Variants in DHX37 observed in about 807,000 individuals in gnomAD.
The protein encoded by DHX37 is DEAH-box helicase 37.
DHX37 carries 52 observed loss-of-function variants against 134.3 expected under a neutral mutation model. That is an observed-to-expected ratio of 0.39 (90% CI 0.31 to 0.49). The LOEUF (loss-of-function observed/expected upper bound fraction) is 0.49. Among genes scored for constraint, DHX37 ranks in the 20% least tolerant of loss-of-function variants. The pLI is 0.93. For missense variants in DHX37, 1,344 were observed against 1,580.8 expected (o/e 0.85, Z 2.54); for synonymous variants, 634 against 670.7 (o/e 0.95, Z 0.85).
rs200009651 is a variant in DHX37 at position 124,966,784 on chromosome 12, C to A, written c.1590+9G>T. The A allele has an allele frequency of 6.2e-7, 1 of 1,614,254 alleles. No homozygotes were observed. The highest frequency in any genetic ancestry group is 1.1e-5 in the South Asian group (1 of 91,088). On this transcript the variant is annotated intron_variant, in intron 12 of 26. Transcript: ENST00000308736. ...ACTCTCCAGGAGTCCCTGCCAGCCCCCCACGTACCTCAGCCCGCGCCTTCT... is the reference window on the plus strand; with the variant it reads ...ACTCTCCAGGAGTCCCTGCCAGCCCACCACGTACCTCAGCCCGCGCCTTCT...
At chr12:124,955,494 G>C (rs960524014) in intron 18 of DHX37, among the ~76,000 whole-genome samples, 2 of 152,196 alleles carry the variant, frequency 1.3e-5, no homozygotes, top group African/African-American at 4.8e-5. Flanking sequence ...ATTTTTAGTA[G>C]AGACAGGGTT....
Position 124,972,717 on chromosome 12 carries a change from A to C in DHX37, c.981-118T>G, listed in dbSNP as rs1811147859. 4 of 868,766 alleles carry C rather than the reference A, an allele frequency of 4.6e-6. No homozygotes were observed. The East Asian group carries it at 9.8e-5, about 21-fold the overall frequency. The allele number at this position is 868,766 out of a possible 1,614,324, so 53.8% of individuals were successfully genotyped here. ...CGGCTTGAGGGCAGGGCCCGCTGGC[A>C]ACCTGAAACAAGTCCCAGACATCTC... is the stretch of plus-strand genomic sequence containing the variant. On this transcript the variant is annotated intron_variant, in intron 6 of 26. Coordinates refer to ENST00000308736, the MANE Select transcript of DHX37 (RefSeq NM_032656.4).
In DHX37 at chr12:124,970,977, C is replaced by A. The variant is rs532964781; in HGVS notation, c.1191+325G>T. On this transcript the variant is annotated intron_variant, in intron 8 of 26. Coordinates refer to ENST00000308736, the MANE Select transcript of DHX37 (RefSeq NM_032656.4). ...CCACCTGCTCTGCTGATCCCAGAGG[C>A]CCAGAGGCCTCATCAACCAGCCCCA... Among the ~76,000 whole-genome samples the A allele has an allele frequency of 2.0e-5, 3 of 152,372 alleles. No individual in the cohort carries two copies. The South Asian group carries it at 6.2e-4, about 32-fold the overall frequency.
At chr12:124,987,901 G>A (rs935058000) in intron 1 of DHX37, among the ~76,000 whole-genome samples, 4 of 151,606 alleles carry the variant, frequency 2.6e-5, no homozygotes, top group Admixed American at 2.0e-4. Flanking sequence ...TGCTCAACGT[G>A]TGCTACTGGT....
intron 15 of DHX37, among the ~76,000 whole-genome samples, chr12:124,961,245 CG>C (rs1449361463): frequency 7.2e-6 from 1 of 138,558 alleles, no homozygotes; most frequent in Non-Finnish European, 1.5e-5. Flanking sequence ...CACATACACG[CG>C]TGCACGCACG....
chr12:124,982,812 T>C (rs1326195346), intron 2 of DHX37, among the ~76,000 whole-genome samples, 189 bp from the exon 3 acceptor site: 1 of 152,162 alleles, frequency 6.6e-6, no homozygotes, highest in African/African-American at 2.4e-5. Flanking sequence ...TTTTAACCCC[T>C]TTTACAGAAT....
rs771542089 is a variant in DHX37 at position 124,980,439 on chromosome 12, G to A, written c.738+51C>T. On this transcript the variant is annotated intron_variant, in intron 4 of 26. Coordinates refer to ENST00000308736, the MANE Select transcript of DHX37 (RefSeq NM_032656.4). This position sits in a 1 kb window ranked among gnomAD's most constrained non-coding sequence, Gnocchi z 5.3. ...CACTTCACCAGGACGCCCTCTGTGC[G>A]CCCCTTGCCCGCTAACCTAGATTCT... 53 of 1,580,098 alleles carry A rather than the reference G, an allele frequency of 3.4e-5. No individual in the cohort carries two copies. In the Admixed American group the frequency reaches 5.1e-4, roughly 15 times the overall value.
At chr12:124,951,514 A>G (rs1299344772) in intron 21 of DHX37, among the ~76,000 whole-genome samples, 1 of 152,200 alleles carries the variant, frequency 6.6e-6, no homozygotes, top group Non-Finnish European at 1.5e-5. Context: ...GTTGGGTAAT[A>G]AAAATGTTCT....
Position 124,949,465 on chromosome 12 carries a change from G to T in DHX37, c.3290+521C>A, listed in dbSNP as rs559394141. ...AGGTGGTGGGCGGGATGGGGCAGGG[G>T]TCTGCTTAGCTGGGAGGAAGTCCCC... On this transcript the variant is annotated intron_variant, in intron 25 of 26. Transcript: ENST00000308736. This position sits in a 1 kb window ranked among gnomAD's most constrained non-coding sequence, Gnocchi z 4.0. Among the ~76,000 whole-genome samples the T allele has an allele frequency of 2.8e-5, 3 of 105,500 alleles. No individual in the cohort carries two copies. The South Asian group carries it at 1.6e-3, about 56-fold the overall frequency. 69.2% of individuals were successfully genotyped at this position (105,500 alleles called of 152,430 possible). A position where few individuals can be genotyped will look rare whatever the true frequency, so the allele number is the denominator to read the frequency against.
intron 6 of DHX37, among the ~76,000 whole-genome samples, chr12:124,974,417 G>A (rs1044649354): frequency 2.0e-5 from 3 of 151,658 alleles, no homozygotes; most frequent in Non-Finnish European, 4.4e-5. Flanking sequence ...GTGAGAAGGG[G>A]CCCCCAGTAC....
At chr12:124,974,725 T>C (rs1006594289) in intron 6 of DHX37, among the ~76,000 whole-genome samples, 1 of 151,986 alleles carries the variant, frequency 6.6e-6, no homozygotes. Flanking sequence ...GTGCTATATC[T>C]GCCTGTTCAA....
At chr12:124,971,250 G>T in intron 8 of DHX37, 52 bp downstream of exon 8, 1 of 1,583,466 alleles carries the variant, frequency 6.3e-7, no homozygotes. Context: ...CTCTGACAGA[G>T]CTGGGGGGGG....
At chr12:124,964,752 C>G (rs1453915956) in intron 14 of DHX37, 126 bp from the exon 15 acceptor site, 2 of 1,495,188 alleles carry the variant, frequency 1.3e-6, no homozygotes, top group East Asian at 2.4e-5. Flanking sequence ...GCCATCCCAT[C>G]TGGGGCCCAG....
In DHX37 at chr12:124,956,865, T is replaced by G. The variant is rs1189249539; in HGVS notation, c.2279A>C (p.Gln760Pro). 1.9e-6 allele frequency: 3 copies of G among 1,593,974 alleles called. No homozygotes were observed. The highest frequency in any genetic ancestry group is 2.6e-6 in the Non-Finnish European group (3 of 1,166,056). ...PQKAERVKQL[Q>P]ENRLSCPITA... Reference sequence around the variant, plus strand: ...GATGGGGCAGCTCAGCCGGTTCTCCTGCAGTTGCTTCACCCTGGAGATGGA... The same window carrying G: ...GATGGGGCAGCTCAGCCGGTTCTCCGGCAGTTGCTTCACCCTGGAGATGGA... Residue 760 changes from glutamine to proline, a missense_variant, in exon 18 of 27, where the codon CAG becomes CCG. Coordinates refer to ENST00000308736, the MANE Select transcript of DHX37 (RefSeq NM_032656.4).
chr12:124,964,770 G>C (rs1035415400), intron 14 of DHX37, 144 bp from the exon 15 acceptor site: 12 of 1,461,200 alleles, frequency 8.2e-6, no homozygotes, highest in Middle Eastern at 3.5e-4. Context: ...CAGTGCCTTG[G>C]GGGAGGGTTC....
chr12:124,953,919 T>C lies in DHX37; in HGVS notation c.2656A>G (p.Met886Val). 1 of 1,612,796 alleles carries C rather than the reference T, an allele frequency of 6.2e-7. No homozygotes were observed. The highest frequency in any genetic ancestry group is 1.3e-5 in the African/African-American group (1 of 75,046). ...EANGLRYKAM[M>V]EIRRLRGQLT... ...TGGCCCCGCAGGCGCCGGATCTCCA[T>C]CATGGCTTTGTACCGCAGCCCGTTG... The change falls in exon 20 of 27, where the codon ATG (methionine) becomes GTG (valine). Residue 886 changes from methionine to valine, a missense_variant. By Grantham distance (21) the Met-to-Val change is conservative. Around this residue, in one of 7 missense-constraint regions of DHX37, gnomAD observed 558 missense variants for 650.0 expected, o/e 0.86. Transcript: ENST00000308736.
At chr12:124,964,254 G>A (rs1954332083) in intron 15 of DHX37, 140 bp downstream of exon 15, 1 of 1,319,970 alleles carries the variant, frequency 7.6e-7, no homozygotes, top group Non-Finnish European at 1.0e-6. Flanking sequence ...AAGGGCTGGG[G>A]AGCACCCCAA....
chr12:124,965,605 C>T, intron 13 of DHX37, 63 bp downstream of exon 13: 1 of 1,517,934 alleles, frequency 6.6e-7, no homozygotes, highest in Non-Finnish European at 8.9e-7. Flanking sequence ...CCCACAAGGG[C>T]TCTGGGCACA....
chr12:124,954,178 C>T lies in DHX37; in HGVS notation c.2487G>A (p.Leu829=). ...GGGCCACCCGGGCCCGCTTGCTCTT[C>T]AGCCTGGTGAGCTCCTCGTCACTGG... ...PAASDEELTR[L]KSKRARVAQM... The change falls in exon 19 of 27, where the codon CTG becomes CTA. Residue 829 remains leucine, a synonymous_variant. Coordinates refer to ENST00000308736, the MANE Select transcript of DHX37 (RefSeq NM_032656.4). The T allele has an allele frequency of 6.2e-7, 1 of 1,610,656 alleles. No individual in the cohort carries two copies.
Sources: allele counts gnomAD v4.1 joint callset (sites outside exome capture counted in the v4.1 genomes callset), GRCh38; gene constraint gnomAD v4.1.1; regional missense constraint gnomAD v4.1.1; non-coding constraint Gnocchi (gnomAD v3.1); transcripts MANE v1.5; gene names NCBI Gene and HGNC (gene_info 2026-07-23, HGNC 2026-07-21).